AKAP19: variants seen among roughly 807,000 people sequenced by gnomAD.
AKAP19 encodes A-kinase anchoring protein 19.
the AKAP19 span, among the ~76,000 whole-genome samples, chr2:190,026,122 T>A: frequency 6.6e-6 from 1 of 152,224 alleles, no homozygotes; most frequent in Non-Finnish European, 1.5e-5. Flanking sequence ...GATATTATTT[T>A]TTCTATAATA....
the AKAP19 span, among the ~76,000 whole-genome samples, chr2:189,987,928 G>T: frequency 1.3e-5 from 2 of 151,920 alleles, no homozygotes; most frequent in African/African-American, 4.8e-5. Flanking sequence ...CGGGAGACCA[G>T]ATTTTTATTA....
At chr2:190,024,394 A>G in the AKAP19 span, among the ~76,000 whole-genome samples, 1 of 150,832 alleles carries the variant, frequency 6.6e-6, no homozygotes, top group African/African-American at 2.4e-5. Context: ...ATATATATAT[A>G]TACATATATA....
the AKAP19 span, among the ~76,000 whole-genome samples, chr2:189,933,443 A>G: frequency 1.3e-5 from 2 of 152,198 alleles, no homozygotes; most frequent in Non-Finnish European, 2.9e-5. Flanking sequence ...ATTCTTTTAG[A>G]TGATTTTTAA....
At chr2:190,084,089 G>T in the AKAP19 span, among the ~76,000 whole-genome samples, 39 of 106,222 alleles carry the variant, frequency 3.7e-4, no homozygotes, top group South Asian at 2.6e-3. Context: ...GTAGAGCTCA[G>T]GTTTTTTTTT....
At chr2:190,061,074 A>G in the AKAP19 span, among the ~76,000 whole-genome samples, 1 of 152,058 alleles carries the variant, frequency 6.6e-6, no homozygotes, top group Non-Finnish European at 1.5e-5. Flanking sequence ...GCTGTCATGT[A>G]AGCACAAGCA....
chr2:190,174,397 A>C, the AKAP19 span, among the ~76,000 whole-genome samples: 1 of 152,198 alleles, frequency 6.6e-6, no homozygotes, highest in African/African-American at 2.4e-5. Flanking sequence ...GTCCATATGA[A>C]TACCCCTCAG....
At chr2:189,956,434 GC>G in the AKAP19 span, among the ~76,000 whole-genome samples, 1 of 152,066 alleles carries the variant, frequency 6.6e-6, no homozygotes, top group Admixed American at 6.5e-5. Context: ...CTCCCAAAGT[GC>G]TGGGATTACA....
chr2:189,910,034 T>C, the AKAP19 span, among the ~76,000 whole-genome samples: 1 of 152,072 alleles, frequency 6.6e-6, no homozygotes, highest in African/African-American at 2.4e-5. Flanking sequence ...GTATAAGGTC[T>C]TGTGTTATTG....
chr2:190,060,299 A>G, the AKAP19 span: 7 of 1,613,138 alleles, frequency 4.3e-6, no homozygotes, highest in Non-Finnish European at 5.9e-6. Context: ...GGATTTGCAC[A>G]AACACTGTTG....
the AKAP19 span, among the ~76,000 whole-genome samples, chr2:190,069,743 T>C: frequency 6.6e-6 from 1 of 152,208 alleles, no homozygotes; most frequent in Non-Finnish European, 1.5e-5. Flanking sequence ...TTTATACATG[T>C]ATTTGTTCAT....
At chr2:190,176,400 T>A in the AKAP19 span, among the ~76,000 whole-genome samples, 1 of 152,126 alleles carries the variant, frequency 6.6e-6, no homozygotes, top group African/African-American at 2.4e-5. This position sits in a 1 kb window ranked among gnomAD's most constrained non-coding sequence, Gnocchi z 4.7. Context: ...CGGGCTGGAG[T>A]GCAATGGTGT....
At chr2:190,049,578 T>C in the AKAP19 span, among the ~76,000 whole-genome samples, 1 of 152,228 alleles carries the variant, frequency 6.6e-6, no homozygotes, top group South Asian at 2.1e-4. Context: ...TCATGTAAAC[T>C]GCAGTAGCCA....
At chr2:189,923,349 T>A in the AKAP19 span, 18 of 1,612,092 alleles carry the variant, frequency 1.1e-5, 1 homozygote, top group Middle Eastern at 1.6e-4. Flanking sequence ...GCCAGCAACG[T>A]TACCAACAAG....
the AKAP19 span, among the ~76,000 whole-genome samples, chr2:190,154,361 G>A: frequency 6.6e-6 from 1 of 152,168 alleles, no homozygotes; most frequent in Non-Finnish European, 1.5e-5. Context: ...AGTTTGGAAA[G>A]TGAATTAATC....
the AKAP19 span, among the ~76,000 whole-genome samples, chr2:190,198,631 C>CCA: frequency 1.4e-5 from 1 of 70,590 alleles, no homozygotes; most frequent in Non-Finnish European, 2.6e-5. Context: ...GACCCTGTCT[C>CCA]AAAAAAAAAA....
At chr2:189,889,613 A>G in the AKAP19 span, among the ~76,000 whole-genome samples, 1 of 152,092 alleles carries the variant, frequency 6.6e-6, no homozygotes, top group Admixed American at 6.5e-5. Flanking sequence ...AGAACTTATT[A>G]TTGGCCTATT....
At chr2:189,984,405 C>T in the AKAP19 span, among the ~76,000 whole-genome samples, 3 of 152,274 alleles carry the variant, frequency 2.0e-5, no homozygotes, top group Middle Eastern at 0.01. Flanking sequence ...AGAAATATGG[C>T]TCTGTTCTGC....
chr2:190,202,676 T>C, the AKAP19 span: 1 of 167,000 alleles, frequency 6.0e-6, no homozygotes, highest in East Asian at 1.9e-4. Flanking sequence ...AACAGATGAC[T>C]GAAAGACTGA....
chr2:189,893,506 G>T, the AKAP19 span, among the ~76,000 whole-genome samples: 2 of 152,184 alleles, frequency 1.3e-5, no homozygotes, highest in African/African-American at 4.8e-5. Context: ...GCCGGGTGAG[G>T]CGATGCCCTA....
Sources: allele counts gnomAD v4.1 joint callset (sites outside exome capture counted in the v4.1 genomes callset), GRCh38; gene constraint gnomAD v4.1.1; non-coding constraint Gnocchi (gnomAD v3.1); transcripts MANE v1.5; gene names NCBI Gene and HGNC (gene_info 2026-07-23, HGNC 2026-07-21).